NPLOC4: variants seen among roughly 807,000 people sequenced by gnomAD.
NPLOC4 encodes NPL4 homolog, ubiquitin recognition factor.
A neutral mutation model predicts 80.6 loss-of-function variants in NPLOC4; 18 were observed. The observed-to-expected ratio is 0.22, with a 90% CI of 0.15 to 0.33. The LOEUF is 0.33. Ranked by LOEUF, NPLOC4 falls within the 10% of genes least tolerant of loss-of-function variation. The probability of loss-of-function intolerance (pLI) is 1.00; values close to 1 mark genes in which losing one functional copy is unlikely to be tolerated. For synonymous variants in NPLOC4, 313 were observed against 301.5 expected (o/e 1.04, Z -0.39); for missense variants, 540 against 786.1 (o/e 0.69, Z 3.74).
intron 2 of NPLOC4, among the ~76,000 whole-genome samples, chr17:81,623,550 G>A (rs1298704029): frequency 6.7e-6 from 1 of 149,844 alleles, no homozygotes; most frequent in African/African-American, 2.5e-5. Context: ...TGTAATCCCA[G>A]CATTTTGGGA....
chr17:81,583,268 A>G (rs916622380), intron 12 of NPLOC4, among the ~76,000 whole-genome samples: 1 of 152,228 alleles, frequency 6.6e-6, no homozygotes, highest in African/African-American at 2.4e-5. Context: ...ACTTTCTGTA[A>G]CAACCAGGAA....
chr17:81,612,642 A>G (rs1335016586), intron 4 of NPLOC4: 2 of 152,216 alleles, frequency 1.3e-5, no homozygotes, highest in Admixed American at 1.3e-4. Context: ...TGCAGAGACA[A>G]CCTTCGCTCA....
chr17:81,632,749 T>C (rs530764605), intron 1 of NPLOC4, among the ~76,000 whole-genome samples: 1 of 152,348 alleles, frequency 6.6e-6, no homozygotes, highest in South Asian at 2.1e-4. Flanking sequence ...TTTCCACTGA[T>C]ACAGGACAAA....
At chr17:81,621,716 G>C (rs1018225009) in intron 3 of NPLOC4, among the ~76,000 whole-genome samples, 1 of 152,180 alleles carries the variant, frequency 6.6e-6, no homozygotes, top group East Asian at 1.9e-4. Flanking sequence ...GCAGTAGCCA[G>C]GCTGTGACAA....
chr17:81,597,389 G>A lies in NPLOC4; in HGVS notation c.922-73C>T, dbSNP rs2034939628. On this transcript the variant is annotated intron_variant, in intron 9 of 16. Transcript: ENST00000331134. ...TGAATGGCTGGGCGCAGTGACTCACGCCTATAATCACAGCACTTTGAGAGG... is the reference window on the plus strand; with the variant it reads ...TGAATGGCTGGGCGCAGTGACTCACACCTATAATCACAGCACTTTGAGAGG... The A allele has an allele frequency of 9.2e-6, 11 of 1,192,286 alleles. No individual in the cohort carries two copies. The South Asian group carries it at 1.1e-4, about 12-fold the overall frequency. The allele number at this position is 1,192,286 out of a possible 1,614,324, so 73.9% of individuals were successfully genotyped here.
chr17:81,635,531 C>T (rs1015075812), intron 1 of NPLOC4, among the ~76,000 whole-genome samples: 1 of 151,950 alleles, frequency 6.6e-6, no homozygotes, highest in South Asian at 2.1e-4. Context: ...CTCCTGGAGA[C>T]CCATTTGTTT....
intron 3 of NPLOC4, among the ~76,000 whole-genome samples, chr17:81,614,790 T>C (rs1378908972): frequency 2.0e-5 from 3 of 152,148 alleles, no homozygotes; most frequent in Non-Finnish European, 2.9e-5. Context: ...GGGTCCCAAG[T>C]GACCAGAGAT....
At chr17:81,568,279 T>C (rs2034068329) in intron 14 of NPLOC4, among the ~76,000 whole-genome samples, 1 of 151,914 alleles carries the variant, frequency 6.6e-6, no homozygotes, top group Non-Finnish European at 1.5e-5. Context: ...AGGGCAGCCG[T>C]GATGCAGCAC....
chr17:81,611,082 G>A (rs1378680690), intron 4 of NPLOC4, among the ~76,000 whole-genome samples: 1 of 152,158 alleles, frequency 6.6e-6, no homozygotes, highest in Non-Finnish European at 1.5e-5. Flanking sequence ...CACTTTGGGA[G>A]GCTGAGATGG....
intron 4 of NPLOC4, among the ~76,000 whole-genome samples, chr17:81,611,959 CAAAA>C (rs11401963): frequency 9.6e-6 from 1 of 104,260 alleles, no homozygotes. Context: ...GAGTCCATCT[CAAAA>C]AAAAAAAAAA....
At position 81,569,128 on chromosome 17, in the gene NPLOC4, C is replaced by T. The variant is rs933342946; in HGVS notation, c.1354-17G>A. The T allele has an allele frequency of 1.3e-6, 2 of 1,551,336 alleles. No individual in the cohort carries two copies. Among genetic ancestry groups the T allele is most frequent in the Non-Finnish European group, 8.9e-7 (1 of 1,123,230 alleles). On this transcript the variant is annotated splice_polypyrimidine_tract_variant and intron_variant, in intron 13 of 16. Coordinates refer to ENST00000331134, the MANE Select transcript of NPLOC4 (RefSeq NM_017921.4). The stretch of plus-strand genomic sequence containing the variant: ...TGTTGTGATCTAATGAAGAAAAACA[C>T]AAACCCATGATAAATGAGGCTGAAA...
At chr17:81,585,589 T>C (rs546591806) in intron 12 of NPLOC4, among the ~76,000 whole-genome samples, 39 of 139,338 alleles carry the variant, frequency 2.8e-4, no homozygotes, top group African/African-American at 1.0e-3. Context: ...AGAACTCAGG[T>C]GGCAGAGGTT....
chr17:81,567,321 T>A lies in NPLOC4; in HGVS notation c.1566+96A>T. 1 of 755,592 alleles carries A rather than the reference T, an allele frequency of 1.3e-6. No individual in the cohort carries two copies. Among genetic ancestry groups the A allele is most frequent in the South Asian group, 1.6e-5 (1 of 60,974 alleles). 46.8% of individuals were successfully genotyped at this position (755,592 alleles called of 1,614,324 possible). ...CCCGAGCTTTGACCCAGTTTCCCAA[T>A]CATGCTCTGGTCTGGGAGGAAAGAA... On this transcript the variant is annotated intron_variant, in intron 15 of 16. Transcript: ENST00000331134. The surrounding 1 kb of genome is among the most constrained non-coding windows in gnomAD (Gnocchi z 4.5).
In NPLOC4 at chr17:81,559,199, G is replaced by A. The variant is rs1022841327; in HGVS notation, c.*60C>T. On this transcript the variant is annotated 3_prime_UTR_variant, in exon 17 of 17. Transcript: ENST00000331134. ...AGTTACAGGGAACACACTCAGCAACGCTTCTGGCTTCAGGAAGGGCTGGGC... is the reference window on the plus strand; with the variant it reads ...AGTTACAGGGAACACACTCAGCAACACTTCTGGCTTCAGGAAGGGCTGGGC... 1.5e-4 allele frequency: 229 copies of A among 1,512,658 alleles called. No homozygotes were observed. Among genetic ancestry groups the A allele is most frequent in the Admixed American group, 6.2e-4 (29 of 47,036 alleles). The allele number at this position is 1,512,658 out of a possible 1,614,324, so 93.7% of individuals were successfully genotyped here.
chr17:81,598,799 TACCTGAC>T (rs2034989400), intron 9 of NPLOC4, among the ~76,000 whole-genome samples: 1 of 152,132 alleles, frequency 6.6e-6, no homozygotes, highest in Non-Finnish European at 1.5e-5. Context: ...TCTCCAGCAC[TACCTGAC>T]ACACAACTCT....
rs909927859 is a variant in NPLOC4, at chr17:81,607,714, A to G, written c.531-900T>C. On this transcript the variant is annotated intron_variant, in intron 6 of 16. Coordinates refer to ENST00000331134, the MANE Select transcript of NPLOC4 (RefSeq NM_017921.4). ...AAAGGCTGACCAAGTCTCTTTCACT[A>G]CAATCAATCTGCACCCACTCCTTAG... 2.0e-5 allele frequency among the ~76,000 whole-genome samples: 3 copies of G among 152,282 alleles called. No homozygotes were observed. In the South Asian group the frequency reaches 6.2e-4, roughly 32 times the overall value.
At chr17:81,570,772 G>A (rs2034142406) in intron 13 of NPLOC4, among the ~76,000 whole-genome samples, 1 of 152,176 alleles carries the variant, frequency 6.6e-6, no homozygotes, top group South Asian at 2.1e-4. Context: ...GTGGCCCAGG[G>A]CTGGGCATGG....
chr17:81,557,807 C>T lies in NPLOC4; in HGVS notation c.*1452G>A, dbSNP rs890100982. 2 of 152,314 alleles carry T rather than the reference C, an allele frequency of 1.3e-5. No homozygotes were observed. Among genetic ancestry groups the T allele is most frequent in the Non-Finnish European group, 2.9e-5 (2 of 68,110 alleles). 9.4% of individuals were successfully genotyped at this position (152,314 alleles called of 1,614,324 possible). A position where few individuals can be genotyped will look rare whatever the true frequency, so the allele number is the denominator to read the frequency against. ...ACCCAACCCAACTGGCCCCTGGTCCCAAGAGCAGATGAGCTGCTTGGGCCT... is the reference window on the plus strand; with the variant it reads ...ACCCAACCCAACTGGCCCCTGGTCCTAAGAGCAGATGAGCTGCTTGGGCCT... On this transcript the variant is annotated 3_prime_UTR_variant, in exon 17 of 17. Transcript: ENST00000331134.
intron 1 of NPLOC4, among the ~76,000 whole-genome samples, chr17:81,632,086 C>G (rs1037463648): frequency 6.6e-6 from 1 of 152,024 alleles, no homozygotes; most frequent in African/African-American, 2.4e-5. Context: ...GGCGATTCTC[C>G]TGTCTCAGCC....
Sources: gnomAD v4.1 joint callset for allele counts (sites outside exome capture counted in the v4.1 genomes callset) on GRCh38, gnomAD v4.1.1 for gene constraint, Gnocchi (gnomAD v3.1) non-coding constraint, MANE v1.5 for transcripts, NCBI Gene and HGNC (gene_info 2026-07-23, HGNC 2026-07-21) for gene names.